SURF6: variants seen among roughly 807,000 people sequenced by gnomAD.
SURF6 encodes the protein surfeit 6, also known as surfeit locus protein 6.
Under a neutral mutation model 37.5 loss-of-function variants are expected in SURF6, and 28 were observed. The ratio of observed to expected loss-of-function variants is 0.75; its 90% CI spans 0.55 to 1.02. SURF6 has a LOEUF of 1.02. Among genes scored for constraint, SURF6 ranks in the 50% least tolerant of loss-of-function variants. The pLI, the probability that SURF6 is intolerant of heterozygous loss-of-function variation, is 0.00. For synonymous variants in SURF6, 248 were observed against 210.9 expected, an observed-to-expected ratio of 1.18 and a Z score of -1.52; for missense variants, 560 against 490.5, an observed-to-expected ratio of 1.14 and a Z score of -1.34.
chr9:133,334,311 T>C (rs1006351981), intron 2 of SURF6, 81 bp downstream of exon 2: 13 of 1,367,860 alleles, frequency 9.5e-6, no homozygotes, highest in East Asian at 2.3e-5. Context: ...GCTTTTTTTT[T>C]CTTAAGAGCA....
chr9:133,333,222 A>C (rs1835792590), intron 3 of SURF6, among the ~76,000 whole-genome samples: 1 of 152,108 alleles, frequency 6.6e-6, no homozygotes, highest in South Asian at 2.1e-4. Context: ...TTCAGGAACA[A>C]GGGCCCAGAG....
chr9:133,331,633 C>T lies in SURF6; in HGVS notation c.*236G>A, dbSNP rs2129910792. ...CAGACCAGGCCCCAGTCTCCCTCAC[C>T]CTTTCCCTGGGTCTGAAGGTCCCGG... is the stretch of plus-strand genomic sequence containing the variant. On this transcript the variant is annotated 3_prime_UTR_variant, in exon 5 of 5. Coordinates refer to ENST00000372022, the MANE Select transcript of SURF6 (RefSeq NM_006753.6). 1.8e-5 allele frequency: 9 copies of T among 496,936 alleles called. No individual in the cohort carries two copies. The South Asian group carries it at 6.5e-4, about 36-fold the overall frequency. The allele number at this position is 496,936 out of a possible 1,614,324, so 30.8% of individuals were successfully genotyped here.
intron 1 of SURF6, 110 bp downstream of exon 1, chr9:133,335,929 A>C: frequency 1.2e-6 from 1 of 836,476 alleles, no homozygotes; most frequent in Non-Finnish European, 1.8e-6. Flanking sequence ...CGATAATTTC[A>C]CAAGTCACTT....
rs2129934940 is a variant in SURF6, at chr9:133,336,172, C to T, written c.-40G>A. The T allele has an allele frequency of 6.4e-7, 1 of 1,560,530 alleles. No homozygotes were observed. The highest frequency in any genetic ancestry group is 1.7e-5 in the Admixed American group (1 of 58,406). On this transcript the variant is annotated 5_prime_UTR_variant, in exon 1 of 5. Transcript: ENST00000372022. Reference sequence around the variant, plus strand: ...CCGTTCACGACTCACACCTTCCCCGCTGCGCGTGCGACTCTCACCACCTCC... The same window carrying T: ...CCGTTCACGACTCACACCTTCCCCGTTGCGCGTGCGACTCTCACCACCTCC...
intron 3 of SURF6, among the ~76,000 whole-genome samples, chr9:133,333,130 G>T (rs1277346273): frequency 6.6e-6 from 1 of 152,090 alleles, no homozygotes; most frequent in Non-Finnish European, 1.5e-5. Flanking sequence ...TGTTCACGAG[G>T]TACCCAACGA....
intron 1 of SURF6, 104 bp from the exon 2 acceptor site, chr9:133,334,705 A>G: frequency 7.2e-7 from 1 of 1,393,038 alleles, no homozygotes; most frequent in East Asian, 2.3e-5. Context: ...CCGAAAGAGG[A>G]TCAGGATCGG....
In SURF6 at chr9:133,333,087, C is replaced by T. The variant is rs2129922427; in HGVS notation, c.394-327G>A. 17 of 390,780 alleles carry T rather than the reference C, an allele frequency of 4.4e-5. No individual in the cohort carries two copies. The East Asian group carries it at 4.6e-4, about 10-fold the overall frequency. The allele number at this position is 390,780 out of a possible 1,614,324, so 24.2% of individuals were successfully genotyped here. The stretch of plus-strand genomic sequence containing the variant: ...ACCACTGCCTAGAACTTGGAGTTGG[C>T]GTCTGAACACCTGTCCTGACCGCTG... On this transcript the variant is annotated intron_variant, in intron 3 of 4. Transcript: ENST00000372022.
intron 2 of SURF6, 127 bp downstream of exon 2, chr9:133,334,265 G>T: frequency 3.6e-6 from 3 of 822,028 alleles, no homozygotes; most frequent in South Asian, 1.8e-5. Flanking sequence ...CTTTGCTCTT[G>T]GGGAAGTCTC....
intron 3 of SURF6, among the ~76,000 whole-genome samples, chr9:133,333,201 G>A (rs2129922866): frequency 5.3e-5 from 8 of 151,980 alleles, no homozygotes; most frequent in Non-Finnish European, 1.2e-4. Flanking sequence ...CAGCCCAAAC[G>A]AGACCTGTGC....
At chr9:133,332,442 A>C in intron 4 of SURF6, 94 bp from the exon 5 acceptor site, 1 of 1,534,596 alleles carries the variant, frequency 6.5e-7, no homozygotes, top group African/African-American at 1.4e-5. Context: ...CCCCGTCACC[A>C]CCTTACAGAC....
At chr9:133,333,618 G>A in intron 3 of SURF6, 100 bp downstream of exon 3, 2 of 1,113,898 alleles carry the variant, frequency 1.8e-6, no homozygotes, top group East Asian at 2.5e-5. Flanking sequence ...CAGACTCGCT[G>A]CAGAGGGGAG....
chr9:133,335,611 C>A (rs2129931920), intron 1 of SURF6, among the ~76,000 whole-genome samples: 1 of 151,896 alleles, frequency 6.6e-6, no homozygotes, highest in East Asian at 1.9e-4. Context: ...AGCCCTCTGC[C>A]ATCCTCCTCC....
Position 133,329,399 on chromosome 9 carries a change from A to G in SURF6, c.*2470T>C. ...GTCTTCTCTAAACTCCTCCAGGGAA[A>G]GGGACACTCCCTTTCCCGGTCTGCT... On this transcript the variant is annotated 3_prime_UTR_variant, in exon 5 of 5. Transcript: ENST00000372022. 1 of 258,564 alleles carries G rather than the reference A, an allele frequency of 3.9e-6. No individual in the cohort carries two copies. Among genetic ancestry groups the G allele is most frequent in the Non-Finnish European group, 7.9e-6 (1 of 126,410 alleles). 16.0% of individuals were successfully genotyped at this position (258,564 alleles called of 1,614,324 possible).
Position 133,333,634 on chromosome 9 carries a change from G to C in SURF6, c.393+84C>G, listed in dbSNP as rs1231677114. ...AGACTCGCTGCAGAGGGGAGAACAG[G>C]GGCTACGGCCCCTCGCTGACAGCTG... On this transcript the variant is annotated intron_variant, in intron 3 of 4. Transcript: ENST00000372022. 3.3e-5 allele frequency: 43 copies of C among 1,306,106 alleles called. No homozygotes were observed. The East Asian group carries it at 8.6e-4, about 26-fold the overall frequency. The allele number at this position is 1,306,106 out of a possible 1,614,324, so 80.9% of individuals were successfully genotyped here.
At position 133,331,944 on chromosome 9, in the gene SURF6, G is replaced by C. The variant is rs2129912921; in HGVS notation, c.1011C>G (p.Ala337=). The C allele has an allele frequency of 6.3e-7, 1 of 1,588,252 alleles. No homozygotes were observed. The highest frequency in any genetic ancestry group is 8.5e-7 in the Non-Finnish European group (1 of 1,174,894). ...QNLRRKKAAR[A]ERRLLRARKK... ...TGCGGGCTCTGAGCAGGCGGCGCTCGGCGCGGGCCGCCTTCTTCCTGCGCA... is the reference window on the plus strand; with the variant it reads ...TGCGGGCTCTGAGCAGGCGGCGCTCCGCGCGGGCCGCCTTCTTCCTGCGCA... The change falls in exon 5 of 5, where the codon GCC becomes GCG. Residue 337 remains alanine, a synonymous_variant. Coordinates refer to ENST00000372022, the MANE Select transcript of SURF6 (RefSeq NM_006753.6).
intron 3 of SURF6, 78 bp downstream of exon 3, chr9:133,333,640 C>T (rs1007315406): frequency 1.3e-5 from 18 of 1,344,120 alleles, no homozygotes; most frequent in Middle Eastern, 1.8e-4. Context: ...ACAGGGGCTA[C>T]GGCCCCTCGC....
At chr9:133,335,974 CACCGG>C in intron 1 of SURF6, 60 bp downstream of exon 1, 6 of 1,398,428 alleles carry the variant, frequency 4.3e-6, no homozygotes, top group Non-Finnish European at 6.0e-6. Flanking sequence ...GACTCGTCTA[CACCGG>C]CTCCGGCCGC....
rs1426404490 is a variant in SURF6 at position 133,330,441 on chromosome 9, G to C, written c.*1428C>G. The C allele has an allele frequency of 3.3e-5, 5 of 152,088 alleles. No individual in the cohort carries two copies. Among genetic ancestry groups the C allele is most frequent in the South Asian group, 2.1e-4 (1 of 4,816 alleles). 9.4% of individuals were successfully genotyped at this position (152,088 alleles called of 1,614,324 possible). ...AATAGAGATGGGGTTTTATCATGTT[G>C]TCCAGGCTAGCCTTGAACTCCTGAT... On this transcript the variant is annotated 3_prime_UTR_variant, in exon 5 of 5. Transcript: ENST00000372022.
intron 3 of SURF6, 38 bp from the exon 4 acceptor site, chr9:133,332,798 G>A (rs186414813): frequency 7.5e-6 from 12 of 1,591,052 alleles, no homozygotes; most frequent in Middle Eastern, 1.7e-4. Flanking sequence ...AAGTTCTCTC[G>A]ATCCCAGGGT....
Sources: gnomAD v4.1 joint callset for allele counts (sites outside exome capture counted in the v4.1 genomes callset) on GRCh38, gnomAD v4.1.1 for gene constraint, MANE v1.5 for transcripts, NCBI Gene and HGNC (gene_info 2026-07-23, HGNC 2026-07-21) for gene names.